The following SLC4A10 variants were observed in gnomAD, a reference collection of about 807,000 sequenced individuals.
The protein encoded by SLC4A10 is sodium-driven chloride bicarbonate exchanger.
A neutral mutation model predicts 137.7 loss-of-function variants in SLC4A10; 42 were observed. The ratio of observed to expected loss-of-function variants is 0.30; its 90% CI spans 0.24 to 0.39. SLC4A10 has a LOEUF of 0.39. Among genes scored for constraint, SLC4A10 ranks in the 10% least tolerant of loss-of-function variants. The pLI, the probability that SLC4A10 is intolerant of heterozygous loss-of-function variation, is 1.00. For missense variants in SLC4A10, 925 were observed against 1,355.0 expected, an observed-to-expected ratio of 0.68 and a Z score of 4.98; for synonymous variants, 474 against 464.1, an observed-to-expected ratio of 1.02 and a Z score of -0.27.
chr2:161,824,241 A>G (rs952323349), intron 3 of SLC4A10, among the ~76,000 whole-genome samples: 3 of 152,204 alleles, frequency 2.0e-5, no homozygotes, highest in African/African-American at 7.2e-5. Flanking sequence ...GGTTCATTAC[A>G]CATGGTACCC....
At chr2:161,921,151 C>G (rs137926702) in intron 15 of SLC4A10, among the ~76,000 whole-genome samples, 1 of 152,108 alleles carries the variant, frequency 6.6e-6, no homozygotes, top group African/African-American at 2.4e-5. Context: ...AAAAAGGAAA[C>G]CTGAACTTAT....
chr2:161,801,867 T>C lies in SLC4A10; in HGVS notation c.131-2582T>C, dbSNP rs369221725. On this transcript the variant is annotated intron_variant, in intron 2 of 26. Coordinates refer to ENST00000446997, the MANE Select transcript of SLC4A10 (RefSeq NM_001178015.2). ...TAAAGTACTTTTTTTAAAGGTTGCA[T>C]AAATATAAGTGACACACACTGATAT... Among the ~76,000 whole-genome samples the C allele has an allele frequency of 1.9e-4, 29 of 152,240 alleles. 3 individuals carry two copies. In the South Asian group the frequency reaches 5.8e-3, roughly 30 times the overall value.
chr2:161,859,409 A>G lies in SLC4A10; in HGVS notation c.578-3465A>G, dbSNP rs372769577. Among the ~76,000 whole-genome samples, 19 of 148,892 alleles carry G rather than the reference A, an allele frequency of 1.3e-4. No homozygotes were observed. The East Asian group carries it at 2.0e-3, about 15-fold the overall frequency. ...GGGTTCAAGCAATTCTCCTACTTCA[A>G]TCTCTTGAGTACCTGGGACTACAGG... On this transcript the variant is annotated intron_variant, in intron 5 of 26. Transcript: ENST00000446997.
chr2:161,668,592 C>A (rs1488609032), intron 1 of SLC4A10, among the ~76,000 whole-genome samples: 2 of 151,724 alleles, frequency 1.3e-5, no homozygotes, highest in African/African-American at 4.8e-5. Flanking sequence ...CCTTATGATT[C>A]TATAACATCT....
In SLC4A10 at chr2:161,879,131, G is replaced by T. The variant is rs2061602671; in HGVS notation, c.949G>T (p.Val317Phe). The change falls in exon 9 of 27, where the codon GTT becomes TTT. Residue 317 changes from valine to phenylalanine, a missense_variant and splice_region_variant. Coordinates refer to ENST00000446997, the MANE Select transcript of SLC4A10 (RefSeq NM_001178015.2). ...KGPPHQQERE[V>F]DLHFMKKIPP... ...CATATTTACCTGGTGATGCTTGCAG[G>T]TTGATCTGCATTTTATGAAAAAGAT... The T allele has an allele frequency of 1.2e-6, 2 of 1,612,362 alleles. No individual in the cohort carries two copies. Among genetic ancestry groups the T allele is most frequent in the Non-Finnish European group, 1.7e-6 (2 of 1,178,980 alleles).
chr2:161,673,850 T>C (rs1828924), intron 1 of SLC4A10, among the ~76,000 whole-genome samples: 139,424 of 152,060 alleles, frequency 0.92, 64,000 homozygotes, highest in East Asian at 1. Context: ...ATTAGCTGGG[T>C]GTGGTGGTGC....
At chr2:161,870,900 T>A (rs1451873374) in intron 6 of SLC4A10, among the ~76,000 whole-genome samples, 1 of 151,896 alleles carries the variant, frequency 6.6e-6, no homozygotes, top group Non-Finnish European at 1.5e-5. Context: ...TTACATTTTT[T>A]AATGAAAGTA....
At chr2:161,840,076 G>C in intron 4 of SLC4A10, 149 bp downstream of exon 4, 2 of 904,304 alleles carry the variant, frequency 2.2e-6, no homozygotes, top group Non-Finnish European at 3.3e-6. Flanking sequence ...CCTATAACGG[G>C]ATATGGGTCA....
chr2:161,845,451 A>G (rs1559376667), intron 4 of SLC4A10, among the ~76,000 whole-genome samples: 1 of 151,980 alleles, frequency 6.6e-6, no homozygotes, highest in East Asian at 1.9e-4. Flanking sequence ...GGTACATCAA[A>G]CCATCCATGC....
chr2:161,764,176 A>G (rs1235619969), intron 1 of SLC4A10, among the ~76,000 whole-genome samples: 1 of 152,208 alleles, frequency 6.6e-6, no homozygotes, highest in Non-Finnish European at 1.5e-5. Context: ...ATACAGCTAT[A>G]AAATGAATAA....
intron 1 of SLC4A10, among the ~76,000 whole-genome samples, chr2:161,736,846 T>C (rs1323507081): frequency 6.6e-6 from 1 of 151,966 alleles, no homozygotes; most frequent in Non-Finnish European, 1.5e-5. Context: ...TAAATGGAAG[T>C]ATTATTATTA....
chr2:161,850,911 T>C (rs934818031), intron 4 of SLC4A10, among the ~76,000 whole-genome samples: 3 of 152,190 alleles, frequency 2.0e-5, no homozygotes, highest in Non-Finnish European at 4.4e-5. Flanking sequence ...GTATGTTGTA[T>C]CTTTGTTTTC....
At chr2:161,730,363 AT>A (rs1443810999) in intron 1 of SLC4A10, among the ~76,000 whole-genome samples, 2 of 152,134 alleles carry the variant, frequency 1.3e-5, no homozygotes, top group Admixed American at 6.5e-5. Context: ...AGGGAGACAG[AT>A]TTTGGTTTCA....
At chr2:161,819,777 A>T (rs1207450220) in intron 3 of SLC4A10, among the ~76,000 whole-genome samples, 1 of 152,160 alleles carries the variant, frequency 6.6e-6, no homozygotes, top group Non-Finnish European at 1.5e-5. Flanking sequence ...TACAGGAATG[A>T]GCCACCGCAT....
chr2:161,961,184 C>T (rs1450768458), intron 21 of SLC4A10, among the ~76,000 whole-genome samples: 1 of 152,200 alleles, frequency 6.6e-6, no homozygotes, highest in East Asian at 1.9e-4. Flanking sequence ...GCAGGACAGG[C>T]AGCACGGGAT....
chr2:161,812,123 A>G (rs920461888), intron 3 of SLC4A10, among the ~76,000 whole-genome samples: 2 of 152,006 alleles, frequency 1.3e-5, no homozygotes, highest in African/African-American at 4.8e-5. Flanking sequence ...TTTTAGGTTT[A>G]TGTATTTTAA....
At position 161,863,006 on chromosome 2, in the gene SLC4A10, G is replaced by T. The variant is rs1219783826; in HGVS notation, c.710G>T (p.Arg237Leu). 6.2e-7 allele frequency: 1 copy of T among 1,613,740 alleles called. No individual in the cohort carries two copies. The highest frequency in any genetic ancestry group is 8.5e-7 in the Non-Finnish European group (1 of 1,179,856). Residue 237 changes from arginine (R) to leucine (L), a missense_variant, in exon 6 of 27, where the codon CGT (arginine) becomes CTT (leucine). Transcript: ENST00000446997. ...CTCACCAACAGGATTCCCATTGTTC[G>T]TTCCTTTGCTGATATTGGCAAGAAA... ...KKLTNRIPIV[R>L]SFADIGKKQS...
At chr2:161,691,283 A>G (rs1383565780) in intron 1 of SLC4A10, among the ~76,000 whole-genome samples, 3 of 136,924 alleles carry the variant, frequency 2.2e-5, no homozygotes, top group Non-Finnish European at 4.7e-5. Flanking sequence ...ACACATGGAG[A>G]TAGAGAGTAG....
intron 15 of SLC4A10, among the ~76,000 whole-genome samples, chr2:161,935,004 A>T (rs1244074580): frequency 6.6e-6 from 1 of 152,140 alleles, no homozygotes; most frequent in Non-Finnish European, 1.5e-5. Flanking sequence ...AAAAAAAATT[A>T]TGCAGACAAA....
Sources: allele counts gnomAD v4.1 joint callset (sites outside exome capture counted in the v4.1 genomes callset), GRCh38; gene constraint gnomAD v4.1.1; transcripts MANE v1.5; gene names NCBI Gene and HGNC (gene_info 2026-07-23, HGNC 2026-07-21).